Variants in SRP54 observed in about 807,000 individuals in gnomAD.
The protein encoded by SRP54 is signal recognition particle 54, also known as signal recognition particle subunit SRP54.
In SRP54, 10 loss-of-function variants were observed where a neutral mutation model predicts 64.8. The ratio of observed to expected loss-of-function variants is 0.15; its 90% CI spans 0.10 to 0.26. The LOEUF (loss-of-function observed/expected upper bound fraction) is 0.26. Among genes scored for constraint, SRP54 ranks in the 10% least tolerant of loss-of-function variants. The pLI is 1.00. For missense variants in SRP54, 325 were observed against 613.7 expected (o/e 0.53, Z 4.97); for synonymous variants, 193 against 185.6 (o/e 1.04, Z -0.32).
Position 34,993,692 on chromosome 14 carries a change from A to G in SRP54, c.-33-2985A>G, listed in dbSNP as rs527327801. Among the ~76,000 whole-genome samples, 222 of 151,886 alleles carry G rather than the reference A, an allele frequency of 1.5e-3. 1 individual carries two copies. The highest frequency in any genetic ancestry group is 0.014 in the Middle Eastern group (4 of 294). ...CTTCCTGTTTGTCTTAAAATTAATT[A>G]ATTAATTTATTTATTTATTGAGATG... On this transcript the variant is annotated intron_variant, in intron 1 of 15. Transcript: ENST00000216774.
intron 7 of SRP54, among the ~76,000 whole-genome samples, chr14:35,010,656 T>C (rs1184787014): frequency 1.3e-5 from 2 of 151,968 alleles, no homozygotes; most frequent in East Asian, 3.9e-4. Flanking sequence ...TCCTAGCCAC[T>C]TGGGAGGCTG....
intron 3 of SRP54, among the ~76,000 whole-genome samples, chr14:35,000,412 A>G (rs1271272032): frequency 6.6e-6 from 1 of 151,814 alleles, no homozygotes; most frequent in African/African-American, 2.4e-5. Context: ...CTAAAAATAC[A>G]AAAAATTAGC....
At chr14:34,987,488 C>T (rs1287753442) in intron 1 of SRP54, among the ~76,000 whole-genome samples, 1 of 152,024 alleles carries the variant, frequency 6.6e-6, no homozygotes, top group Non-Finnish European at 1.5e-5. Context: ...AATCCACTTT[C>T]TGTCTCTGTA....
At chr14:34,998,965 T>TTGTG (rs1203724098) in intron 2 of SRP54, among the ~76,000 whole-genome samples, 47 of 121,866 alleles carry the variant, frequency 3.9e-4, no homozygotes, top group South Asian at 8.4e-4. Flanking sequence ...TATTATTACT[T>TTGTG]TGTGTGTATG....
In SRP54 at chr14:35,018,762, C is replaced by T. The variant is rs2044480318; in HGVS notation, c.1044C>T (p.Ile348=). 6.2e-6 allele frequency: 10 copies of T among 1,612,428 alleles called. No individual in the cohort carries two copies. The highest frequency in any genetic ancestry group is 8.5e-6 in the Non-Finnish European group (10 of 1,179,340). The change falls in exon 12 of 16, where the codon ATC becomes ATT. Residue 348 remains isoleucine, a synonymous_variant. Coordinates refer to ENST00000216774, the MANE Select transcript of SRP54 (RefSeq NM_003136.4). The stretch of plus-strand genomic sequence containing the variant: ...TGAAAATGGGCCCCTTCAGTCAGAT[C>T]TTGGTTAGTTATCCTTAAAACTTTA... ...NIMKMGPFSQ[I]LGMIPGFGTD...
At chr14:34,994,640 C>T (rs948851334) in intron 1 of SRP54, among the ~76,000 whole-genome samples, 4 of 152,142 alleles carry the variant, frequency 2.6e-5, no homozygotes, top group African/African-American at 9.7e-5. Context: ...TCCATTTCTG[C>T]TTATGCTATT....
rs760555971 is a variant in SRP54, at chr14:35,029,046, C to T, written c.1424-15C>T. ...ATTCTCTGTTTTTAACTCTACTTCC[C>T]TACTTTTGCTCTAGGTGGTATGGCA... On this transcript the variant is annotated splice_polypyrimidine_tract_variant and intron_variant, in intron 15 of 15. Transcript: ENST00000216774. The T allele has an allele frequency of 3.7e-6, 6 of 1,604,664 alleles. No individual in the cohort carries two copies. In the South Asian group the frequency reaches 5.5e-5, roughly 15 times the overall value.
At position 35,008,746 on chromosome 14, in the gene SRP54, G is replaced by A. The variant is rs1370615952; in HGVS notation, c.428-28G>A. On this transcript the variant is annotated intron_variant, in intron 6 of 15. Transcript: ENST00000216774. ...TTATATAATTTTTATTTTCAAGTTT[G>A]AGGATTCATGAACTCTTTATCTTCC... 3.7e-6 allele frequency: 6 copies of A among 1,604,190 alleles called. No homozygotes were observed. The African/African-American group carries it at 8.1e-5, about 22-fold the overall frequency.
In SRP54 at chr14:35,029,005, C is replaced by T. The variant is rs1186738945; in HGVS notation, c.1424-56C>T. 3 of 1,383,056 alleles carry T rather than the reference C, an allele frequency of 2.2e-6. No homozygotes were observed. The African/African-American group carries it at 4.3e-5, about 20-fold the overall frequency. The allele number at this position is 1,383,056 out of a possible 1,614,324, so 85.7% of individuals were successfully genotyped here. On this transcript the variant is annotated intron_variant, in intron 15 of 15. Coordinates refer to ENST00000216774, the MANE Select transcript of SRP54 (RefSeq NM_003136.4). ...TATTAGGCAAAAGTAATAAATGTTT[C>T]CAGTTCTGCTTAATAATTCTCTGTT...
intron 2 of SRP54, among the ~76,000 whole-genome samples, chr14:34,999,003 G>T (rs866066289): frequency 0.25 from 24,297 of 95,906 alleles, 3,598 homozygotes; most frequent in East Asian, 0.53. Context: ...GTGTGTGTGT[G>T]TGTGTGTGTG....
chr14:35,007,213 G>C lies in SRP54; in HGVS notation c.256-70G>C, dbSNP rs2044270620. ...TGTCTCAAAAAAGGAAAAAAAAGTT[G>C]TGGGGAAGGGGTTTTGAATTTATAT... On this transcript the variant is annotated intron_variant, in intron 4 of 15. Coordinates refer to ENST00000216774, the MANE Select transcript of SRP54 (RefSeq NM_003136.4). 14 of 1,061,946 alleles carry C rather than the reference G, an allele frequency of 1.3e-5. No homozygotes were observed. The Admixed American group carries it at 2.4e-4, about 18-fold the overall frequency. The allele number at this position is 1,061,946 out of a possible 1,614,324, so 65.8% of individuals were successfully genotyped here. A position where few individuals can be genotyped will look rare whatever the true frequency, so the allele number is the denominator to read the frequency against.
chr14:34,992,671 A>G (rs1182487385), intron 1 of SRP54, among the ~76,000 whole-genome samples: 1 of 152,140 alleles, frequency 6.6e-6, no homozygotes, highest in African/African-American at 2.4e-5. Context: ...TGAGGATTGA[A>G]AAAGTACCTC....
intron 1 of SRP54, among the ~76,000 whole-genome samples, chr14:34,990,388 A>G (rs1464868627): frequency 6.6e-6 from 1 of 152,194 alleles, no homozygotes; most frequent in East Asian, 1.9e-4. Flanking sequence ...ACTCTAGCCA[A>G]AGGACTATGG....
At chr14:34,999,001 GTGTGTGTGTGTGGT>G (rs2044124154) in intron 2 of SRP54, among the ~76,000 whole-genome samples, 1 of 96,994 alleles carries the variant, frequency 1.0e-5, no homozygotes, top group African/African-American at 3.5e-5. Flanking sequence ...GTGTGTGTGT[GTGTGTGTGTGTGGT>G]TTTTTTTTTT....
intron 3 of SRP54, among the ~76,000 whole-genome samples, chr14:35,000,242 G>A (rs192652841): frequency 2.0e-5 from 3 of 152,118 alleles, no homozygotes; most frequent in South Asian, 2.1e-4. Flanking sequence ...ACTGAGATTA[G>A]TTGTGGGACT....
intron 12 of SRP54, 87 bp downstream of exon 12, chr14:35,018,852 C>T (rs891003973): frequency 7.7e-6 from 11 of 1,425,564 alleles, no homozygotes; most frequent in Middle Eastern, 3.6e-4. Flanking sequence ...TTTTTACATT[C>T]GGGTAAAAAT....
At chr14:34,989,093 G>A (rs1294178101) in intron 1 of SRP54, among the ~76,000 whole-genome samples, 1 of 152,058 alleles carries the variant, frequency 6.6e-6, no homozygotes, top group Non-Finnish European at 1.5e-5. Context: ...TGAATCCATG[G>A]TTGTGAAGCC....
In SRP54 at chr14:35,014,290, T is replaced by TTTTTTTTTTG. The variant is rs376712278; in HGVS notation, c.886+392_886+393insTTTTTGTTTT. Among the ~76,000 whole-genome samples, 6 of 127,344 alleles carry TTTTTTTTTTG rather than the reference T, an allele frequency of 4.7e-5. No homozygotes were observed. The East Asian group carries it at 8.1e-4, about 17-fold the overall frequency. The allele number at this position is 127,344 out of a possible 152,430, so 83.5% of individuals were successfully genotyped here. On this transcript the variant is annotated intron_variant, in intron 10 of 15. Coordinates refer to ENST00000216774, the MANE Select transcript of SRP54 (RefSeq NM_003136.4). ...TGCCACTTAACTTTTTTTTTTTTTT[T>TTTTTTTTTTG]TTTTGAGACGGAGTTTCGCTCTTGT... is the stretch of plus-strand genomic sequence containing the variant.
chr14:35,010,923 C>T (rs1428701998), intron 7 of SRP54, among the ~76,000 whole-genome samples: 2 of 151,980 alleles, frequency 1.3e-5, no homozygotes, highest in Non-Finnish European at 2.9e-5. Context: ...TTTTTTCACC[C>T]GTGTTAATTT....
Sources: gnomAD v4.1 joint callset for allele counts (sites outside exome capture counted in the v4.1 genomes callset) on GRCh38, gnomAD v4.1.1 for gene constraint, MANE v1.5 for transcripts, NCBI Gene and HGNC (gene_info 2026-07-23, HGNC 2026-07-21) for gene names.